The following SLC24A2 variants were observed in gnomAD, a reference collection of about 807,000 sequenced individuals.
SLC24A2 encodes the protein sodium/potassium/calcium exchanger 2.
Under a neutral mutation model 62.0 loss-of-function variants are expected in SLC24A2, and 36 were observed. The observed-to-expected ratio is 0.58, with a 90% CI of 0.44 to 0.77. SLC24A2 has a LOEUF of 0.77. Among genes scored for constraint, SLC24A2 ranks in the 30% least tolerant of loss-of-function variants. The pLI is 0.00. For missense variants in SLC24A2, 846 were observed against 817.9 expected, an observed-to-expected ratio of 1.03 and a Z score of -0.42; for synonymous variants, 358 against 294.0, an observed-to-expected ratio of 1.22 and a Z score of -2.23.
At chr9:19,518,466 G>C (rs1292675819) in intron 10 of SLC24A2, among the ~76,000 whole-genome samples, 1 of 148,610 alleles carries the variant, frequency 6.7e-6, no homozygotes, top group Non-Finnish European at 1.5e-5. Flanking sequence ...CTGTCGCCCA[G>C]GCTGGAGTGC....
chr9:20,034,044 G>A, the SLC24A2 span, among the ~76,000 whole-genome samples: 1 of 152,124 alleles, frequency 6.6e-6, no homozygotes, highest in Non-Finnish European at 1.5e-5. Context: ...GACTGTAACA[G>A]TGAGGACAAA....
rs549020764 is a variant in SLC24A2, at chr9:19,543,373, C to G, written c.1479+6764G>C. Among the ~76,000 whole-genome samples, 146 of 147,480 alleles carry G rather than the reference C, an allele frequency of 9.9e-4. 1 individual carries two copies. The highest frequency in any genetic ancestry group is 4.2e-3 in the South Asian group (19 of 4,532). On this transcript the variant is annotated intron_variant, in intron 8 of 10. Transcript: ENST00000341998. Reference sequence around the variant, plus strand: ...CCATTTTTTGATCTTTTCAAGAAACCAGCTCCTGGATTCATTGATTTTTTT... The same window carrying G: ...CCATTTTTTGATCTTTTCAAGAAACGAGCTCCTGGATTCATTGATTTTTTT...
chr9:19,947,836 G>GA, the SLC24A2 span, among the ~76,000 whole-genome samples: 2 of 135,622 alleles, frequency 1.5e-5, no homozygotes, highest in East Asian at 2.3e-4. Context: ...AAGAAAGAAA[G>GA]AAAGAAAGAA....
intron 8 of SLC24A2, among the ~76,000 whole-genome samples, chr9:19,530,244 GGTTTCATCTTCCATGGCT>G (rs986160477): frequency 3.3e-5 from 5 of 151,978 alleles, no homozygotes; most frequent in Non-Finnish European, 7.4e-5. Context: ...GTGCAATGAG[GGTTTCATCTTCCATGGCT>G]GTGCTCTGTT....
At chr9:20,247,326 T>C in the SLC24A2 span, among the ~76,000 whole-genome samples, 16 of 152,158 alleles carry the variant, frequency 1.1e-4, no homozygotes, top group East Asian at 3.1e-3. Flanking sequence ...TCCAAGCACA[T>C]ACGGTCCAGC....
At chr9:19,981,250 T>C in the SLC24A2 span, among the ~76,000 whole-genome samples, 7 of 152,322 alleles carry the variant, frequency 4.6e-5, no homozygotes, top group East Asian at 9.6e-4. Context: ...TAATTCATCA[T>C]TCATTCTTTC....
At chr9:19,770,928 TACTA>T (rs1460888187) in intron 2 of SLC24A2, among the ~76,000 whole-genome samples, 1 of 152,204 alleles carries the variant, frequency 6.6e-6, no homozygotes, top group Non-Finnish European at 1.5e-5. Flanking sequence ...AGAGGCCCCT[TACTA>T]ATATTTTTTA....
At chr9:20,248,915 T>C in the SLC24A2 span, among the ~76,000 whole-genome samples, 3 of 152,198 alleles carry the variant, frequency 2.0e-5, no homozygotes, top group African/African-American at 7.2e-5. Context: ...TATTCATGGT[T>C]CTTCCTGGTC....
the SLC24A2 span, among the ~76,000 whole-genome samples, chr9:20,287,565 T>C: frequency 6.6e-6 from 1 of 152,226 alleles, no homozygotes; most frequent in Admixed American, 6.5e-5. Flanking sequence ...TTTTCACTCA[T>C]ACAACGAACA....
At chr9:19,693,556 A>T (rs1490421926) in intron 2 of SLC24A2, among the ~76,000 whole-genome samples, 1 of 152,146 alleles carries the variant, frequency 6.6e-6, no homozygotes, top group Non-Finnish European at 1.5e-5. Flanking sequence ...CTCTTTATAT[A>T]TCTTCAATAT....
the SLC24A2 span, among the ~76,000 whole-genome samples, chr9:20,162,224 C>A: frequency 6.6e-6 from 1 of 151,522 alleles, no homozygotes; most frequent in Non-Finnish European, 1.5e-5. Context: ...TGCAACATAG[C>A]AAGACACCTC....
chr9:19,907,321 G>A, the SLC24A2 span, among the ~76,000 whole-genome samples: 30 of 152,120 alleles, frequency 2.0e-4, no homozygotes, highest in East Asian at 9.6e-4. Flanking sequence ...TTGATGGGAC[G>A]TATCTCAAAA....
At chr9:19,819,444 A>G in the SLC24A2 span, among the ~76,000 whole-genome samples, 6 of 152,290 alleles carry the variant, frequency 3.9e-5, no homozygotes, top group East Asian at 3.9e-4. Flanking sequence ...TTCACAATCT[A>G]TACATCTGAC....
chr9:19,526,993 A>G (rs147342615), intron 9 of SLC24A2, among the ~76,000 whole-genome samples: 1 of 152,266 alleles, frequency 6.6e-6, no homozygotes, highest in Admixed American at 6.5e-5. Context: ...ATTTCAAACT[A>G]TGATGTGCTT....
At chr9:20,019,201 G>C in the SLC24A2 span, among the ~76,000 whole-genome samples, 1 of 116,126 alleles carries the variant, frequency 8.6e-6, no homozygotes, top group African/African-American at 3.2e-5. Flanking sequence ...AAAGAAAGAA[G>C]GAAAAGAAAG....
the SLC24A2 span, among the ~76,000 whole-genome samples, chr9:19,980,986 C>G: frequency 6.6e-6 from 1 of 152,302 alleles, no homozygotes; most frequent in African/African-American, 2.4e-5. Flanking sequence ...AGACTTTTAT[C>G]TCCCCAAGAG....
chr9:19,655,254 A>C (rs1427248543), intron 2 of SLC24A2, among the ~76,000 whole-genome samples: 1 of 152,236 alleles, frequency 6.6e-6, no homozygotes, highest in Non-Finnish European at 1.5e-5. Context: ...TCATGATTGA[A>C]CATTCTTTGT....
chr9:19,907,053 T>G, the SLC24A2 span, among the ~76,000 whole-genome samples: 7 of 152,172 alleles, frequency 4.6e-5, no homozygotes, highest in Non-Finnish European at 1.0e-4. Flanking sequence ...ATATCCCTGA[T>G]GAACATCGAT....
intron 2 of SLC24A2, among the ~76,000 whole-genome samples, chr9:19,690,914 C>A (rs75403183): frequency 0.029 from 2,489 of 87,204 alleles, 46 homozygotes; most frequent in East Asian, 0.19. Context: ...TGTGTGTGTG[C>A]GTGTGAGAGA....
Sources: allele counts gnomAD v4.1 joint callset (sites outside exome capture counted in the v4.1 genomes callset), GRCh38; gene constraint gnomAD v4.1.1; transcripts MANE v1.5; gene names NCBI Gene and HGNC (gene_info 2026-07-23, HGNC 2026-07-21).